The following DGKB variants were observed in gnomAD, a reference collection of about 807,000 sequenced individuals.
DGKB encodes the protein diacylglycerol kinase beta.
In DGKB, 67 loss-of-function variants were observed where a neutral mutation model predicts 114.3. The observed-to-expected ratio is 0.59, with a 90% CI of 0.48 to 0.72. DGKB has a LOEUF of 0.72. Ranked by LOEUF, DGKB falls within the 30% of genes least tolerant of loss-of-function variation. DGKB has a pLI of 0.00. For missense variants in DGKB, 907 were observed against 975.2 expected (o/e 0.93, Z 0.93); for synonymous variants, 398 against 323.1 (o/e 1.23, Z -2.49).
At chr7:14,801,735 C>A (rs1289494104) in intron 2 of DGKB, among the ~76,000 whole-genome samples, 1 of 151,948 alleles carries the variant, frequency 6.6e-6, no homozygotes, top group Non-Finnish European at 1.5e-5. Flanking sequence ...GGATCGCCAG[C>A]TTGTAGAAGG....
chr7:14,888,461 C>T (rs982086732), intron 1 of DGKB, among the ~76,000 whole-genome samples: 6 of 151,620 alleles, frequency 4.0e-5, no homozygotes, highest in African/African-American at 9.7e-5. Context: ...AATAAGGAGC[C>T]GTACATCGGA....
intron 20 of DGKB, among the ~76,000 whole-genome samples, chr7:14,567,118 T>C (rs1273193421): frequency 8.7e-6 from 1 of 115,006 alleles, no homozygotes; most frequent in Non-Finnish European, 1.7e-5. Flanking sequence ...ATATATATTA[T>C]ATAAATATAT....
Position 14,705,986 on chromosome 7 carries a change from G to A in DGKB, c.467-4256C>T, listed in dbSNP as rs926237203. The stretch of plus-strand genomic sequence containing the variant: ...AACAATATTAACTTTAAATGTAAAC[G>A]GACTAAATGCTCCAATTAAAAGACA... On this transcript the variant is annotated intron_variant, in intron 6 of 25. Coordinates refer to ENST00000402815, the MANE Select transcript of DGKB (RefSeq NM_001350709.2). Among the ~76,000 whole-genome samples, 13 of 151,502 alleles carry A rather than the reference G, an allele frequency of 8.6e-5. 1 individual carries two copies. Among genetic ancestry groups the A allele is most frequent in the Admixed American group, 3.3e-4 (5 of 15,216 alleles).
At chr7:14,232,414 G>C (rs543001536) in intron 23 of DGKB, among the ~76,000 whole-genome samples, 31 of 150,892 alleles carry the variant, frequency 2.1e-4, no homozygotes, top group Middle Eastern at 3.5e-3. Flanking sequence ...GGGGTTAAAG[G>C]TTGGCTTATT....
At chr7:14,870,405 A>G (rs1042440293) in intron 1 of DGKB, among the ~76,000 whole-genome samples, 4 of 152,152 alleles carry the variant, frequency 2.6e-5, no homozygotes, top group Non-Finnish European at 4.4e-5. Context: ...AAATTTCCCA[A>G]CCATCTCTGA....
chr7:14,645,089 T>A (rs938259716), intron 13 of DGKB, among the ~76,000 whole-genome samples: 1 of 152,130 alleles, frequency 6.6e-6, no homozygotes, highest in Non-Finnish European at 1.5e-5. Flanking sequence ...GCCTTTTAAC[T>A]AATCAAATGA....
intron 6 of DGKB, among the ~76,000 whole-genome samples, chr7:14,709,813 T>G (rs1585870741): frequency 1.1e-5 from 1 of 89,206 alleles, no homozygotes; most frequent in South Asian, 4.3e-4. Context: ...CTGGGGACTG[T>G]GGTGGGGTGG....
chr7:14,348,647 A>C (rs1028060399), intron 21 of DGKB, among the ~76,000 whole-genome samples: 1 of 152,020 alleles, frequency 6.6e-6, no homozygotes, highest in Non-Finnish European at 1.5e-5. Flanking sequence ...TGTGATTTGT[A>C]CCTCAATGAA....
At position 14,613,505 on chromosome 7, in the gene DGKB, C is replaced by A. The variant is rs757105834; in HGVS notation, c.1285-92G>T. The A allele has an allele frequency of 1.4e-5, 10 of 709,696 alleles. No individual in the cohort carries two copies. The South Asian group carries it at 1.6e-4, about 11-fold the overall frequency. The allele number at this position is 709,696 out of a possible 1,614,324, so 44.0% of individuals were successfully genotyped here. A position where few individuals can be genotyped will look rare whatever the true frequency, so the allele number is the denominator to read the frequency against. On this transcript the variant is annotated intron_variant, in intron 15 of 25. Transcript: ENST00000402815. ...ATTTCTAAATTATAAAATACCAATACGCAATTTCAATAATATTACTTTCCA... is the reference window on the plus strand; with the variant it reads ...ATTTCTAAATTATAAAATACCAATAAGCAATTTCAATAATATTACTTTCCA...
intron 21 of DGKB, among the ~76,000 whole-genome samples, chr7:14,376,964 T>G (rs1164543988): frequency 2.0e-5 from 3 of 152,206 alleles, no homozygotes; most frequent in Admixed American, 6.5e-5. Context: ...AGACCCATAC[T>G]GCAAGGCCAC....
chr7:14,630,687 C>T (rs1387155457), intron 13 of DGKB, among the ~76,000 whole-genome samples: 1 of 151,860 alleles, frequency 6.6e-6, no homozygotes, highest in African/African-American at 2.4e-5. Context: ...ACAGACATAG[C>T]TTATGATGTT....
intron 1 of DGKB, among the ~76,000 whole-genome samples, chr7:14,936,040 T>C (rs561303755): frequency 2.6e-5 from 4 of 152,290 alleles, no homozygotes; most frequent in South Asian, 2.1e-4. Context: ...ATGTTGACTA[T>C]GAGTCTCAGA....
Position 14,951,415 on chromosome 7 carries a change from T to A in DGKB, c.-188+23281A>T, listed in dbSNP as rs910744676. ...AAGATGCCAATCTGTGAAGACTACA[T>A]ACTATATTATTCAAATTATATAAGA... On this transcript the variant is annotated intron_variant, in intron 1 of 4. Coordinates refer to the DGKB transcript ENST00000437998. 5.3e-5 allele frequency among the ~76,000 whole-genome samples: 8 copies of A among 151,932 alleles called. 1 individual carries two copies. The highest frequency in any genetic ancestry group is 1.9e-4 in the African/African-American group (8 of 41,408).
chr7:14,649,749 C>T lies in DGKB; in HGVS notation c.1135-19481G>A, dbSNP rs1017269881. On this transcript the variant is annotated intron_variant, in intron 13 of 25. Transcript: ENST00000402815. ...CATCAGTGTGCTGTATTCAGGAAAC[C>T]CATCTCATGTGCAGAGACACACATA... Among the ~76,000 whole-genome samples the T allele has an allele frequency of 1.4e-4, 20 of 141,414 alleles. No individual in the cohort carries two copies. In the East Asian group the frequency reaches 4.2e-3, roughly 30 times the overall value. 92.8% of individuals were successfully genotyped at this position (141,414 alleles called of 152,430 possible). A position where few individuals can be genotyped will look rare whatever the true frequency, so the allele number is the denominator to read the frequency against.
At chr7:14,576,888 G>A (rs1156874769) in intron 19 of DGKB, among the ~76,000 whole-genome samples, 1 of 152,084 alleles carries the variant, frequency 6.6e-6, no homozygotes, top group Non-Finnish European at 1.5e-5. Flanking sequence ...GTAGAAAGAG[G>A]CAATAAATAA....
chr7:14,660,618 T>C (rs1170880566), intron 13 of DGKB, among the ~76,000 whole-genome samples: 3 of 152,008 alleles, frequency 2.0e-5, no homozygotes, highest in African/African-American at 4.8e-5. Flanking sequence ...TTTTTTTCTT[T>C]ATTAGTCTTG....
intron 5 of DGKB, among the ~76,000 whole-genome samples, chr7:14,733,900 T>C (rs757167114): frequency 1.7e-4 from 26 of 152,092 alleles, no homozygotes; most frequent in Admixed American, 8.5e-4. Context: ...CTTAATATTA[T>C]GGACTCTTCA....
intron 23 of DGKB, among the ~76,000 whole-genome samples, chr7:14,278,953 A>C (rs62443673): frequency 0.055 from 8,342 of 152,178 alleles, 579 homozygotes; most frequent in African/African-American, 0.15. Context: ...GGATTTCTGC[A>C]TTTCCATCTG....
chr7:14,657,718 C>A (rs546994237), intron 13 of DGKB, among the ~76,000 whole-genome samples: 1 of 152,016 alleles, frequency 6.6e-6, no homozygotes, highest in South Asian at 2.1e-4. Context: ...CCAGACTCTG[C>A]ATTTCTGGAA....
Sources: allele counts gnomAD v4.1 joint callset (sites outside exome capture counted in the v4.1 genomes callset), GRCh38; gene constraint gnomAD v4.1.1; transcripts MANE v1.5; gene names NCBI Gene and HGNC (gene_info 2026-07-23, HGNC 2026-07-21).